SPATA13: variants seen among roughly 807,000 people sequenced by gnomAD.
The protein encoded by SPATA13 is spermatogenesis associated 13.
Under a neutral mutation model 104.0 loss-of-function variants are expected in SPATA13, and 50 were observed. The observed-to-expected ratio is 0.48, with a 90% CI of 0.38 to 0.61. The LOEUF (loss-of-function observed/expected upper bound fraction) is 0.61, where lower values mean the gene tolerates loss of function less well. Among genes scored for constraint, SPATA13 ranks in the 20% least tolerant of loss-of-function variants. SPATA13 has a pLI of 0.00. For synonymous variants in SPATA13, 606 were observed against 667.5 expected, an observed-to-expected ratio of 0.91 and a Z score of 1.42; for missense variants, 1,524 against 1,690.6, an observed-to-expected ratio of 0.90 and a Z score of 1.73.
chr13:24,174,813 A>G (rs955505683), intron 1 of SPATA13, among the ~76,000 whole-genome samples: 18 of 152,142 alleles, frequency 1.2e-4, no homozygotes, highest in African/African-American at 4.1e-4. Flanking sequence ...TCCTGACCTC[A>G]GGTGATCCAC....
chr13:24,151,878 A>G (rs140331106), intron 3 of SPATA13, among the ~76,000 whole-genome samples: 59 of 152,342 alleles, frequency 3.9e-4, no homozygotes, highest in African/African-American at 1.3e-3. Context: ...TAAGCAGTAT[A>G]GATGCTTGAT....
At chr13:24,259,119 G>A (rs1339704942) in intron 4 of SPATA13, among the ~76,000 whole-genome samples, 4 of 152,180 alleles carry the variant, frequency 2.6e-5, no homozygotes, top group Non-Finnish European at 5.9e-5. Context: ...AACCCCTGGG[G>A]CCCAACAGGC....
chr13:24,291,758 T>A (rs1876384414), intron 9 of SPATA13, among the ~76,000 whole-genome samples: 2 of 132,970 alleles, frequency 1.5e-5, no homozygotes. Context: ...ATTTTTTTAT[T>A]TTTTTTTTTG....
rs114834484 is a variant in SPATA13 at position 24,250,948 on chromosome 13, T to C, written c.2020-770T>C. 3.6e-3 allele frequency among the ~76,000 whole-genome samples: 549 copies of C among 152,224 alleles called. 5 individuals carry two copies. The highest frequency in any genetic ancestry group is 0.013 in the African/African-American group (527 of 41,524). On this transcript the variant is annotated intron_variant, in intron 3 of 12. Transcript: ENST00000382108. ...TAATTTTCTGTACTATAACCTAATG[T>C]AGGGAATTGAGTGGGAAAATTGTAA... is the stretch of plus-strand genomic sequence containing the variant.
At chr13:24,176,376 G>A (rs1868437098) in intron 1 of SPATA13, among the ~76,000 whole-genome samples, 1 of 152,172 alleles carries the variant, frequency 6.6e-6, no homozygotes, top group African/African-American at 2.4e-5. Context: ...TGGAAGGGCA[G>A]CAAAGACCTT....
intron 4 of SPATA13, among the ~76,000 whole-genome samples, chr13:24,272,154 G>A (rs1197519597): frequency 6.6e-6 from 1 of 152,210 alleles, no homozygotes; most frequent in Non-Finnish European, 1.5e-5. Context: ...CCCACCGGGA[G>A]TGCAGCCAGC....
intron 2 of SPATA13, among the ~76,000 whole-genome samples, chr13:23,993,972 T>G (rs1372050418): frequency 5.3e-4 from 22 of 41,424 alleles, no homozygotes; most frequent in African/African-American, 2.9e-3. Flanking sequence ...GTGGTGGTGT[T>G]TTTTTTTTTT....
chr13:24,007,009 C>G (rs1876262872), intron 2 of SPATA13, among the ~76,000 whole-genome samples: 3 of 152,144 alleles, frequency 2.0e-5, no homozygotes, highest in African/African-American at 7.2e-5. Context: ...CGTGTGGAGC[C>G]CCCTTTCCTC....
chr13:24,084,691 G>A (rs1879663034), intron 3 of SPATA13, among the ~76,000 whole-genome samples: 1 of 152,090 alleles, frequency 6.6e-6, no homozygotes, highest in Admixed American at 6.5e-5. Context: ...GTAGTTAGCA[G>A]GGCCTGTCTT....
chr13:24,233,010 G>T (rs1872369378), intron 2 of SPATA13, among the ~76,000 whole-genome samples: 1 of 152,078 alleles, frequency 6.6e-6, no homozygotes, highest in Admixed American at 6.6e-5. Flanking sequence ...TTACATTTAG[G>T]TATATGCCCC....
chr13:24,081,080 T>C (rs1879499766), intron 3 of SPATA13, among the ~76,000 whole-genome samples: 1 of 152,240 alleles, frequency 6.6e-6, no homozygotes, highest in African/African-American at 2.4e-5. Flanking sequence ...ATTTCCTGTC[T>C]ATTATATGCT....
At position 24,224,098 on chromosome 13, in the gene SPATA13, C is replaced by T. The variant is rs1289845321; in HGVS notation, c.1169C>T (p.Ala390Val). The change falls in exon 2 of 13, where the codon GCC (alanine) becomes GTC (valine). Residue 390 changes from alanine (A) to valine (V), a missense_variant. Physicochemically the swap from Ala to Val is moderately conservative, Grantham distance 64. Around this residue, in one of 2 missense-constraint regions of SPATA13, gnomAD observed 1,089 missense variants for 1,135.9 expected, o/e 0.96. Coordinates refer to ENST00000382108, the MANE Select transcript of SPATA13 (RefSeq NM_001166271.3). Reference protein sequence around the residue: ...MHGTTATCTVAPGFGSATSKG... With the variant: ...MHGTTATCTVVPGFGSATSKG... Reference sequence around the variant, plus strand: ...GGGACCACTGCAACCTGCACCGTGGCCCCCGGTTTCGGCTCAGCCACCTCT... The same window carrying T: ...GGGACCACTGCAACCTGCACCGTGGTCCCCGGTTTCGGCTCAGCCACCTCT... 13 of 1,551,076 alleles carry T rather than the reference C, an allele frequency of 8.4e-6. No individual in the cohort carries two copies. Among genetic ancestry groups the T allele is most frequent in the South Asian group, 4.8e-5 (4 of 84,056 alleles).
At chr13:24,049,873 GTTCT>G (rs777602897) in intron 3 of SPATA13, among the ~76,000 whole-genome samples, 1 of 152,022 alleles carries the variant, frequency 6.6e-6, no homozygotes, top group Non-Finnish European at 1.5e-5. Context: ...TTTCAGACTC[GTTCT>G]TTCTTTCTTT....
rs144992097 is a variant in SPATA13, at chr13:24,282,875, C to T, written c.2165-1260C>T. 5.3e-4 allele frequency among the ~76,000 whole-genome samples: 80 copies of T among 152,346 alleles called. No homozygotes were observed. In the East Asian group the frequency reaches 0.013, roughly 26 times the overall value. ...TTTAGGTCCCATGCCCACAGAAGGG[C>T]AGGACCAGAATTCAGACGAGACTCT... On this transcript the variant is annotated intron_variant, in intron 4 of 12. Coordinates refer to ENST00000382108, the MANE Select transcript of SPATA13 (RefSeq NM_001166271.3).
In SPATA13 at chr13:24,286,920, G is replaced by A. The variant is rs956656237; in HGVS notation, c.2637G>A (p.Val879=). ...VIREIMDTER[V]YIKHLRDICE... ...GGGAGATCATGGACACCGAGCGGGT[G>A]TACATCAAACACCTCAGGGACATCT... Residue 879 remains valine (V), a synonymous_variant, in exon 7 of 13, where the codon GTG becomes GTA. Transcript: ENST00000382108. The surrounding 1 kb of genome is among the most constrained non-coding windows in gnomAD (Gnocchi z 4.9). The A allele has an allele frequency of 3.1e-6, 5 of 1,613,854 alleles. No homozygotes were observed. The highest frequency in any genetic ancestry group is 4.2e-6 in the Non-Finnish European group (5 of 1,179,984).
intron 3 of SPATA13, among the ~76,000 whole-genome samples, chr13:24,057,028 TC>T (rs386419843): frequency 0.12 from 17,380 of 146,820 alleles, 1,378 homozygotes; most frequent in East Asian, 0.32. Context: ...TCTCTCTCTC[TC>T]TCTTTCTTTC....
At chr13:24,086,251 A>T (rs1378337274) in intron 3 of SPATA13, among the ~76,000 whole-genome samples, 1 of 152,224 alleles carries the variant, frequency 6.6e-6, no homozygotes, top group Non-Finnish European at 1.5e-5. Flanking sequence ...TAAGTGTATC[A>T]TTCATATTGC....
chr13:24,270,650 CT>C (rs1874529123), intron 4 of SPATA13: 6 of 1,193,122 alleles, frequency 5.0e-6, no homozygotes, highest in Non-Finnish European at 6.9e-6. Flanking sequence ...ACTGTAGCCA[CT>C]AACCCTTGGT....
intron 3 of SPATA13, chr13:24,034,483 C>G (rs1877606006): frequency 6.6e-6 from 1 of 151,700 alleles, no homozygotes; most frequent in Non-Finnish European, 1.5e-5. Context: ...AGAAAGTGAT[C>G]AATTCAAGCA....
Sources: gnomAD v4.1 joint callset for allele counts (sites outside exome capture counted in the v4.1 genomes callset) on GRCh38, gnomAD v4.1.1 for gene constraint, gnomAD v4.1.1 regional missense constraint, Gnocchi (gnomAD v3.1) non-coding constraint, MANE v1.5 for transcripts, NCBI Gene and HGNC (gene_info 2026-07-23, HGNC 2026-07-21) for gene names.